The following SDHAF4 variants were observed in gnomAD, a reference collection of about 807,000 sequenced individuals.
SDHAF4 encodes the protein succinate dehydrogenase complex assembly factor 4.
SDHAF4 carries 14 observed loss-of-function variants against 14.3 expected under a neutral mutation model. The ratio of observed to expected loss-of-function variants is 0.98; its 90% CI spans 0.65 to 1.53. The LOEUF is 1.53. SDHAF4 is among the 40% of genes most tolerant of loss of function. SDHAF4 has a pLI of 0.00. For synonymous variants in SDHAF4, 63 were observed against 47.3 expected (o/e 1.33, Z -1.36); for missense variants, 141 against 129.3 (o/e 1.09, Z -0.44).
intron 2 of SDHAF4, among the ~76,000 whole-genome samples, chr6:70,586,067 T>C (rs1765193379): frequency 6.6e-6 from 1 of 152,184 alleles, no homozygotes; most frequent in African/African-American, 2.4e-5. Context: ...GCTTCCTCAG[T>C]AGAACAGGTT....
chr6:70,593,723 C>T (rs1251613323), downstream of SDHAF4, among the ~76,000 whole-genome samples: 1 of 151,982 alleles, frequency 6.6e-6, no homozygotes, highest in Non-Finnish European at 1.5e-5. Context: ...TCTCATTCTT[C>T]ATTCTGTCAC....
chr6:70,576,009 C>T (rs1802251248), intron 1 of SDHAF4, among the ~76,000 whole-genome samples: 1 of 152,170 alleles, frequency 6.6e-6, no homozygotes, highest in Non-Finnish European at 1.5e-5. Context: ...TTGCTCAACA[C>T]CTACTGTTTA....
At chr6:70,588,471 G>T (rs1245563005) in intron 2 of SDHAF4, 144 bp from the exon 3 acceptor site, 3 of 404,662 alleles carry the variant, frequency 7.4e-6, no homozygotes, top group South Asian at 4.5e-5. Flanking sequence ...AGTGAGCCCA[G>T]ATCACGCCAC....
intron 2 of SDHAF4, among the ~76,000 whole-genome samples, chr6:70,581,619 T>C (rs1802324046): frequency 6.6e-6 from 1 of 152,162 alleles, no homozygotes; most frequent in Non-Finnish European, 1.5e-5. Flanking sequence ...TTGTTTTGTT[T>C]TGTTGAGACA....
chr6:70,594,681 G>C, the SDHAF4 span, among the ~76,000 whole-genome samples: 2 of 152,208 alleles, frequency 1.3e-5, no homozygotes, highest in Admixed American at 6.5e-5. Flanking sequence ...GGGAGGCCAA[G>C]GCGGGTATAT....
At chr6:70,597,458 CTCTT>C in the SDHAF4 span, among the ~76,000 whole-genome samples, 5 of 151,850 alleles carry the variant, frequency 3.3e-5, no homozygotes, top group South Asian at 1.0e-3. Flanking sequence ...CACTGCTAGG[CTCTT>C]TCTATTTGGT....
At chr6:70,569,785 T>A (rs912392739) in intron 1 of SDHAF4, among the ~76,000 whole-genome samples, 3 of 152,232 alleles carry the variant, frequency 2.0e-5, no homozygotes, top group African/African-American at 7.2e-5. Context: ...TTATTGTGAC[T>A]GCCTTGTGGT....
intron 1 of SDHAF4, among the ~76,000 whole-genome samples, chr6:70,576,233 G>T (rs1021581029): frequency 6.6e-6 from 1 of 152,224 alleles, no homozygotes; most frequent in Non-Finnish European, 1.5e-5. Flanking sequence ...GAAATGAGGG[G>T]CATTATCTTC....
chr6:70,591,614 C>T (rs9455175), downstream of SDHAF4, among the ~76,000 whole-genome samples: 2,434 of 152,102 alleles, frequency 0.016, 61 homozygotes, highest in African/African-American at 0.056. Flanking sequence ...GTGTGAGCCA[C>T]CGCGCCCGGC....
At chr6:70,577,184 G>A (rs543661429) in intron 1 of SDHAF4, among the ~76,000 whole-genome samples, 1 of 152,018 alleles carries the variant, frequency 6.6e-6, no homozygotes, top group Non-Finnish European at 1.5e-5. Flanking sequence ...CATAATCCTG[G>A]ATAACCTCCC....
chr6:70,568,837 T>G (rs79409212), intron 1 of SDHAF4, among the ~76,000 whole-genome samples: 2,862 of 152,248 alleles, frequency 0.019, 96 homozygotes, highest in African/African-American at 0.065. Context: ...TTGCCTTAGG[T>G]TTTAATTTTT....
intron 2 of SDHAF4, among the ~76,000 whole-genome samples, chr6:70,584,250 C>T (rs189296560): frequency 9.2e-5 from 14 of 152,126 alleles, no homozygotes; most frequent in African/African-American, 2.9e-4. Context: ...CTGCTGACCT[C>T]GTGATCCGCT....
chr6:70,591,422 C>T (rs1162070460), downstream of SDHAF4, among the ~76,000 whole-genome samples: 2 of 145,186 alleles, frequency 1.4e-5, no homozygotes, highest in Non-Finnish European at 3.0e-5. Flanking sequence ...ACCTCTGACT[C>T]CCTGGTTCAA....
chr6:70,583,724 A>G (rs898023002), intron 2 of SDHAF4, among the ~76,000 whole-genome samples: 13 of 152,168 alleles, frequency 8.5e-5, no homozygotes, highest in African/African-American at 2.9e-4. Flanking sequence ...AAAAAACTCA[A>G]TGTTTTAAGA....
chr6:70,588,973 A>G lies in SDHAF4; in HGVS notation c.*249A>G. 5.7e-6 allele frequency: 1 copy of G among 175,036 alleles called. No individual in the cohort carries two copies. The highest frequency in any genetic ancestry group is 1.3e-4 in the East Asian group (1 of 7,772). The allele number at this position is 175,036 out of a possible 1,614,324, so 10.8% of individuals were successfully genotyped here. On this transcript the variant is annotated 3_prime_UTR_variant, in exon 3 of 3. Coordinates refer to ENST00000370474, the MANE Select transcript of SDHAF4 (RefSeq NM_145267.3). ...AAATTAGCCAGGCGTGGTGGCATGC[A>G]CCTGTAATCCCAACTACTCTGGAGG...
At chr6:70,578,788 T>C (rs1200662932) in intron 1 of SDHAF4, among the ~76,000 whole-genome samples, 1 of 152,206 alleles carries the variant, frequency 6.6e-6, no homozygotes, top group East Asian at 1.9e-4. Context: ...GTTTCATTGT[T>C]CTGCACATAG....
At chr6:70,574,667 G>C (rs1224257761) in intron 1 of SDHAF4, among the ~76,000 whole-genome samples, 1 of 152,034 alleles carries the variant, frequency 6.6e-6, no homozygotes, top group Non-Finnish European at 1.5e-5. Flanking sequence ...TGGGTGCGGT[G>C]GCTCACACCC....
chr6:70,571,686 C>A (rs561886395), intron 1 of SDHAF4, among the ~76,000 whole-genome samples: 1 of 152,142 alleles, frequency 6.6e-6, no homozygotes, highest in Non-Finnish European at 1.5e-5. Flanking sequence ...CTTTTCCCTT[C>A]TTTGTTAGAT....
intron 1 of SDHAF4, among the ~76,000 whole-genome samples, chr6:70,573,264 C>CTTTTTTA (rs1802207854): frequency 9.1e-6 from 1 of 110,456 alleles, no homozygotes; most frequent in African/African-American, 4.6e-5. Context: ...GCTATTTGGC[C>CTTTTTTA]TTTTTTTTTT....
Sources: gnomAD v4.1 joint callset for allele counts (sites outside exome capture counted in the v4.1 genomes callset) on GRCh38, gnomAD v4.1.1 for gene constraint, MANE v1.5 for transcripts, NCBI Gene and HGNC (gene_info 2026-07-23, HGNC 2026-07-21) for gene names.